FAT2: variants seen among roughly 807,000 people sequenced by gnomAD.
The protein encoded by FAT2 is protocadherin Fat 2.
FAT2 carries 150 observed loss-of-function variants against 295.3 expected under a neutral mutation model. The ratio of observed to expected loss-of-function variants is 0.51; its 90% CI spans 0.44 to 0.58. FAT2 has a LOEUF of 0.58. Among genes scored for constraint, FAT2 ranks in the 20% least tolerant of loss-of-function variants. The probability of loss-of-function intolerance (pLI) is 0.00; values close to 1 mark genes in which losing one functional copy is unlikely to be tolerated. For missense variants in FAT2, 4,868 were observed against 5,442.7 expected (o/e 0.89, Z 3.32); for synonymous variants, 2,026 against 2,150.3 (o/e 0.94, Z 1.60).
At chr5:151,530,561 G>T (rs1754479406) in intron 14 of FAT2, among the ~76,000 whole-genome samples, 1 of 152,204 alleles carries the variant, frequency 6.6e-6, no homozygotes, top group Admixed American at 6.5e-5. Context: ...TTAAAATCTT[G>T]CATATCAACC....
In FAT2 at chr5:151,554,671, C is replaced by A. The variant is rs763454446; in HGVS notation, c.3636G>T (p.Val1212=). ...RENKDEHILE[V]TVLDNGEPSL... is the part of the protein sequence containing the mutation. ...AGGGTTCCCCATTGTCCAGCACAGT[C>A]ACCTGGGAGCAGAATTGAGCATGAG... Residue 1212 remains valine, a splice_region_variant and synonymous_variant, in exon 5 of 24, where the codon GTG becomes GTT. Transcript: ENST00000261800. 1 of 1,608,958 alleles carries A rather than the reference C, an allele frequency of 6.2e-7. No individual in the cohort carries two copies. Among genetic ancestry groups the A allele is most frequent in the South Asian group, 1.1e-5 (1 of 90,390 alleles).
chr5:151,509,774 A>C (rs1464144082), intron 22 of FAT2: 2 of 452,480 alleles, frequency 4.4e-6, no homozygotes, highest in Non-Finnish European at 8.0e-6. Context: ...AATAAATGTC[A>C]TGTGCTTGAA....
intron 16 of FAT2, 90 bp downstream of exon 16, chr5:151,527,906 G>A (rs1754184737): frequency 2.6e-6 from 4 of 1,511,736 alleles, no homozygotes; most frequent in African/African-American, 1.4e-5. Context: ...TTCAGGATGG[G>A]GTCTTGACAG....
chr5:151,537,645 A>G, intron 12 of FAT2, 148 bp downstream of exon 12: 2 of 684,544 alleles, frequency 2.9e-6, no homozygotes, highest in Non-Finnish European at 4.7e-6. Flanking sequence ...TTATGTCCCC[A>G]GTACAATGCT....
rs923883971 is a variant in FAT2 at position 151,565,242 on chromosome 5, A to G, written c.3259+431T>C. ...TGACATGAAAAAAGTAAATTTTAGA[A>G]TAGTGTCTATTATACTGTATTTTCA... On this transcript the variant is annotated intron_variant, in intron 2 of 23. Transcript: ENST00000261800. Among the ~76,000 whole-genome samples the G allele has an allele frequency of 3.3e-5, 5 of 152,178 alleles. 1 individual carries two copies. The highest frequency in any genetic ancestry group is 9.6e-5 in the African/African-American group (4 of 41,464).
Position 151,546,316 on chromosome 5 carries a change from T to G in FAT2, c.4811A>C (p.Asn1604Thr), listed in dbSNP as rs773414509. ...AATGATGCCTAGCAGGGCATTGATG[T>G]TGAAGAAACCTTCGCTGTTCCCTGA... Reference protein sequence around the residue: ...LLKGNSEGFFNINALLGIITL... With the variant: ...LLKGNSEGFFTINALLGIITL... Residue 1604 changes from asparagine (N) to threonine (T), a missense_variant, in exon 10 of 24, where the codon AAC becomes ACC. Transcript: ENST00000261800. 149 of 1,612,994 alleles carry G rather than the reference T, an allele frequency of 9.2e-5. No individual in the cohort carries two copies. Among genetic ancestry groups the G allele is most frequent in the Non-Finnish European group, 1.1e-4 (132 of 1,179,550 alleles).
Position 151,507,522 on chromosome 5 carries a change from A to G in FAT2, c.12149T>C (p.Leu4050Pro). ...QRGDWGQQEL[L>P]IITVAVAFII... ...GAACGCCACGGCCACTGTGATGATC[A>G]GTAACTCCTGCTGCCCCCAGTCCCC... The change falls in exon 23 of 24, where the codon CTG becomes CCG. Residue 4050 changes from leucine to proline, a missense_variant. This residue lies in a region of FAT2 where 492 missense variants were observed against 482.6 expected (regional missense o/e 1.02). Coordinates refer to ENST00000261800, the MANE Select transcript of FAT2 (RefSeq NM_001447.3). 1.9e-6 allele frequency: 3 copies of G among 1,614,166 alleles called. No homozygotes were observed. Among genetic ancestry groups the G allele is most frequent in the Non-Finnish European group, 2.5e-6 (3 of 1,180,010 alleles).
At chr5:151,582,860 G>C (rs1340861617) in intron 1 of FAT2, among the ~76,000 whole-genome samples, 1 of 152,146 alleles carries the variant, frequency 6.6e-6, no homozygotes, top group East Asian at 1.9e-4. Context: ...GACTGTTGGT[G>C]GGGGGAACAC....
Position 151,528,051 on chromosome 5 carries a change from G to T in FAT2, c.10109C>A (p.Thr3370Asn). 1 of 1,614,228 alleles carries T rather than the reference G, an allele frequency of 6.2e-7. No individual in the cohort carries two copies. The highest frequency in any genetic ancestry group is 8.5e-7 in the Non-Finnish European group (1 of 1,180,040). ...TAGCTCCCCCTTTTTGGGGTGAATG[G>T]TGAAGTGCCCAAGCTGGTTCCCTCC... ...LIGGNQLGHF[T>N]IHPKKGELQV... is the part of the protein sequence containing the mutation. Residue 3370 changes from threonine to asparagine, a missense_variant, in exon 16 of 24, where the codon ACC becomes AAC. Physicochemically the swap from Thr to Asn is moderately conservative, Grantham distance 65 (BLOSUM62 0). Transcript: ENST00000261800.
chr5:151,562,709 T>C (rs1244674304), intron 3 of FAT2, among the ~76,000 whole-genome samples: 1 of 152,236 alleles, frequency 6.6e-6, no homozygotes, highest in African/African-American at 2.4e-5. Flanking sequence ...AAAAAATAAT[T>C]GTTTAAAGCT....
chr5:151,572,626 G>C (rs558403651), intron 1 of FAT2, among the ~76,000 whole-genome samples: 2 of 152,282 alleles, frequency 1.3e-5, no homozygotes, highest in East Asian at 3.9e-4. Context: ...ATATTCATAG[G>C]GTTTTATGGA....
rs564940762 is a variant in FAT2, at chr5:151,567,246, A to G, written c.1686T>C (p.Pro562=). The change falls in exon 2 of 24, where the codon CCT becomes CCC. Residue 562 remains proline, a synonymous_variant. Coordinates refer to ENST00000261800, the MANE Select transcript of FAT2 (RefSeq NM_001447.3). ...CTGTACAGTTGACTTCTTCAAACAT[A>G]GGCTGGTTGTCATTCAAGTTCCTGA... ...LQLRNLNDNQ[P]MFEEVNCTGS... The G allele has an allele frequency of 7.4e-6, 12 of 1,614,178 alleles. No homozygotes were observed. In the East Asian group the frequency reaches 2.5e-4, roughly 33 times the overall value.
At chr5:151,589,876 G>A (rs1307052525) in intron 1 of FAT2, among the ~76,000 whole-genome samples, 16 of 152,186 alleles carry the variant, frequency 1.1e-4, no homozygotes, top group Admixed American at 1.0e-3. Context: ...CTGGGTGACA[G>A]AGAGAGACCC....
chr5:151,546,486 G>A (rs180868256), intron 9 of FAT2, 149 bp from the exon 10 acceptor site: 261 of 582,334 alleles, frequency 4.5e-4, no homozygotes, highest in Non-Finnish European at 6.4e-4. Flanking sequence ...AGTGTATAGA[G>A]TAGATACTTT....
rs1760757764 is a variant in FAT2, at chr5:151,505,400, G to C, written c.*165C>G. The C allele has an allele frequency of 1.3e-6, 1 of 792,254 alleles. No individual in the cohort carries two copies. The highest frequency in any genetic ancestry group is 1.8e-5 in the South Asian group (1 of 54,882). 49.1% of individuals were successfully genotyped at this position (792,254 alleles called of 1,614,324 possible). On this transcript the variant is annotated 3_prime_UTR_variant, in exon 24 of 24. Transcript: ENST00000261800. ...TCCTCAGCTTCCCTCCACCCTCAGG[G>C]ACTAGGTGGGGGATTGGAAGAGCAC...
At chr5:151,527,523 G>A in intron 16 of FAT2, 146 bp from the exon 17 acceptor site, 1 of 702,854 alleles carries the variant, frequency 1.4e-6, no homozygotes, top group Admixed American at 3.4e-5. Context: ...GCATTTTAGG[G>A]CTTAGGTTCT....
At chr5:151,588,051 C>A (rs1447036116) in intron 1 of FAT2, among the ~76,000 whole-genome samples, 1 of 152,132 alleles carries the variant, frequency 6.6e-6, no homozygotes, top group Non-Finnish European at 1.5e-5. Context: ...TCAGAGAATT[C>A]CCAAGGGTTC....
In FAT2 at chr5:151,568,528, A is replaced by G; in HGVS notation, c.404T>C (p.Val135Ala). Residue 135 changes from valine (V) to alanine (A), a missense_variant, in exon 2 of 24, where the codon GTG becomes GCG. Val to Ala is a moderately conservative substitution (Grantham distance 64). Around this residue, in one of 5 missense-constraint regions of FAT2, gnomAD observed 3,297 missense variants for 3,669.4 expected, o/e 0.90. Coordinates refer to ENST00000261800, the MANE Select transcript of FAT2 (RefSeq NM_001447.3). ...GTCATTCTGGTCCAGGATGTGGACC[A>G]CCACACGGGTCAAAGCTTCCAACTC... ...TLELEALTRV[V>A]VHILDQNDLK... 1 of 1,614,130 alleles carries G rather than the reference A, an allele frequency of 6.2e-7. No individual in the cohort carries two copies. The highest frequency in any genetic ancestry group is 2.2e-5 in the East Asian group (1 of 44,880).
chr5:151,537,758 G>A, intron 12 of FAT2, 35 bp downstream of exon 12: 2 of 1,590,170 alleles, frequency 1.3e-6, no homozygotes, highest in African/African-American at 1.3e-5. Context: ...CAGTAAAGAA[G>A]TTCTTGTTTT....
Sources: allele counts gnomAD v4.1 joint callset (sites outside exome capture counted in the v4.1 genomes callset), GRCh38; gene constraint gnomAD v4.1.1; regional missense constraint gnomAD v4.1.1; transcripts MANE v1.5; gene names NCBI Gene and HGNC (gene_info 2026-07-23, HGNC 2026-07-21).